The following TBC1D1 variants were observed in gnomAD, a reference collection of about 807,000 sequenced individuals.
TBC1D1 encodes the protein TBC1 domain family member 1.
In TBC1D1, 89 loss-of-function variants were observed where a neutral mutation model predicts 125.6. The ratio of observed to expected loss-of-function variants is 0.71; its 90% CI spans 0.60 to 0.85. TBC1D1 has a LOEUF of 0.85. TBC1D1 is among the 40% of genes least tolerant of loss of function. The pLI is 0.00. For synonymous variants in TBC1D1, 565 were observed against 564.1 expected (o/e 1.00, Z -0.02); for missense variants, 1,377 against 1,469.2 (o/e 0.94, Z 1.03).
At chr4:37,992,280 G>C (rs1406057645) in intron 2 of TBC1D1, among the ~76,000 whole-genome samples, 3 of 152,108 alleles carry the variant, frequency 2.0e-5, no homozygotes, top group Admixed American at 6.5e-5. Flanking sequence ...ACCAGCGCTT[G>C]AGGTTTTGGG....
chr4:38,125,252 G>T lies in TBC1D1; in HGVS notation c.3132+121G>T, dbSNP rs1195987827. 2.0e-5 allele frequency: 18 copies of T among 903,296 alleles called. No individual in the cohort carries two copies. The East Asian group carries it at 4.6e-4, about 23-fold the overall frequency. 56.0% of individuals were successfully genotyped at this position (903,296 alleles called of 1,614,324 possible). A position where few individuals can be genotyped will look rare whatever the true frequency, so the allele number is the denominator to read the frequency against. On this transcript the variant is annotated intron_variant, in intron 18 of 19. Coordinates refer to ENST00000261439, the MANE Select transcript of TBC1D1 (RefSeq NM_015173.4). ...TGTTCTGAACGGCATTCTGCATGAT[G>T]CCTGGCATGGAGGAGGCATATCACA...
chr4:38,033,650 C>G (rs1746641963), intron 7 of TBC1D1, among the ~76,000 whole-genome samples: 1 of 152,158 alleles, frequency 6.6e-6, no homozygotes, highest in Admixed American at 6.5e-5. Flanking sequence ...ATGTGCCCAT[C>G]ATTACGGTAT....
At chr4:38,074,231 G>C (rs1755182518) in intron 12 of TBC1D1, among the ~76,000 whole-genome samples, 1 of 152,176 alleles carries the variant, frequency 6.6e-6, no homozygotes, top group Non-Finnish European at 1.5e-5. Context: ...GCAGGCATTG[G>C]GGGCTTTAGG....
At chr4:37,942,328 A>G (rs575607723) in intron 2 of TBC1D1, among the ~76,000 whole-genome samples, 289 of 152,192 alleles carry the variant, frequency 1.9e-3, no homozygotes, top group African/African-American at 6.6e-3. Context: ...CTGTTTAATC[A>G]GAGACTAGGA....
chr4:38,110,351 C>T (rs781340342), intron 15 of TBC1D1: 1,036 of 983,452 alleles, frequency 1.1e-3, no homozygotes, highest in Non-Finnish European at 1.2e-3. Flanking sequence ...CTGGGATGTG[C>T]AGGTTTAACA....
chr4:38,077,738 C>T (rs957760628), intron 12 of TBC1D1, among the ~76,000 whole-genome samples: 1 of 151,650 alleles, frequency 6.6e-6, no homozygotes, highest in African/African-American at 2.4e-5. Context: ...CTTTTTTCCC[C>T]TCTCCCTTGT....
intron 17 of TBC1D1, 35 bp from the exon 20 acceptor site, chr4:38,124,927 C>T: frequency 1.3e-6 from 2 of 1,597,542 alleles, no homozygotes; most frequent in Non-Finnish European, 1.7e-6. Context: ...AGAAACTGGT[C>T]TGGTTTAACT....
At chr4:38,100,801 T>G (rs1482723304) in intron 14 of TBC1D1, among the ~76,000 whole-genome samples, 1 of 152,220 alleles carries the variant, frequency 6.6e-6, no homozygotes, top group African/African-American at 2.4e-5. Flanking sequence ...CTTTTGAATC[T>G]GTTAATAAAA....
chr4:37,908,655 G>C (rs1181664800), intron 2 of TBC1D1, among the ~76,000 whole-genome samples: 4 of 152,188 alleles, frequency 2.6e-5, no homozygotes, highest in Non-Finnish European at 4.4e-5. Context: ...ACTGTGACGG[G>C]ACAGATGTCA....
At chr4:37,897,077 G>T (rs1484696732) in intron 1 of TBC1D1, among the ~76,000 whole-genome samples, 1 of 152,122 alleles carries the variant, frequency 6.6e-6, no homozygotes, top group Non-Finnish European at 1.5e-5. Context: ...CTTGCTGAGG[G>T]TATGAAACAT....
At chr4:38,010,562 T>C (rs553650786) in intron 2 of TBC1D1, among the ~76,000 whole-genome samples, 2 of 152,322 alleles carry the variant, frequency 1.3e-5, no homozygotes, top group African/African-American at 4.8e-5. Context: ...GCAGAACTCA[T>C]TGCACTGTCT....
chr4:37,897,368 A>G (rs898088809), intron 1 of TBC1D1, among the ~76,000 whole-genome samples: 1 of 152,198 alleles, frequency 6.6e-6, no homozygotes, highest in African/African-American at 2.4e-5. Context: ...GTTACCCTGA[A>G]TCTTATATTA....
chr4:37,931,349 G>A (rs746575309), intron 2 of TBC1D1, among the ~76,000 whole-genome samples: 1 of 151,918 alleles, frequency 6.6e-6, no homozygotes, highest in Non-Finnish European at 1.5e-5. Context: ...CACCTGCCTC[G>A]GCCTCCCAAA....
chr4:38,120,083 A>G, intron 17 of TBC1D1: 6 of 985,482 alleles, frequency 6.1e-6, no homozygotes, highest in Non-Finnish European at 7.2e-6. Flanking sequence ...TAATGACTTC[A>G]TAAATCAAAG....
chr4:37,944,924 G>A (rs987474381), intron 2 of TBC1D1, among the ~76,000 whole-genome samples: 8 of 152,178 alleles, frequency 5.3e-5, no homozygotes, highest in Non-Finnish European at 1.0e-4. Context: ...CTTCTGTGTC[G>A]TTCACGCCGG....
chr4:38,102,103 G>A, intron 14 of TBC1D1, among the ~76,000 whole-genome samples: 1 of 107,064 alleles, frequency 9.3e-6, no homozygotes, highest in South Asian at 3.9e-4. Context: ...TGGGGTGGGG[G>A]GAGGGGGGAG....
At chr4:37,961,203 G>T (rs777304222) in intron 2 of TBC1D1, 25 of 757,850 alleles carry the variant, frequency 3.3e-5, no homozygotes, top group Non-Finnish European at 5.0e-5. Flanking sequence ...ACTACAGCCC[G>T]TACTCTTTGG....
intron 12 of TBC1D1, among the ~76,000 whole-genome samples, chr4:38,088,420 A>G (rs1040814509): frequency 6.6e-5 from 10 of 152,216 alleles, no homozygotes; most frequent in African/African-American, 2.2e-4. Context: ...CAGGGAAAAC[A>G]TAAATAACAG....
At chr4:38,134,443 T>A (rs1415090728) in intron 19 of TBC1D1, among the ~76,000 whole-genome samples, 1 of 152,086 alleles carries the variant, frequency 6.6e-6, no homozygotes, top group Non-Finnish European at 1.5e-5. Context: ...TATGCCTGTA[T>A]ACAATTTACC....
Sources: gnomAD v4.1 joint callset for allele counts (sites outside exome capture counted in the v4.1 genomes callset) on GRCh38, gnomAD v4.1.1 for gene constraint, MANE v1.5 for transcripts, NCBI Gene and HGNC (gene_info 2026-07-23, HGNC 2026-07-21) for gene names.